Variants in CRAMP1 observed in about 807,000 individuals in gnomAD.
The protein encoded by CRAMP1 is cramped chromatin regulator 1.
A neutral mutation model predicts 115.4 loss-of-function variants in CRAMP1; 50 were observed. The observed-to-expected ratio is 0.43, with a 90% CI of 0.35 to 0.55. The LOEUF (loss-of-function observed/expected upper bound fraction) is 0.55, where lower values mean the gene tolerates loss of function less well. CRAMP1 is among the 20% of genes least tolerant of loss of function. The probability of loss-of-function intolerance (pLI) is 0.01; values close to 1 mark genes in which losing one functional copy is unlikely to be tolerated. For missense variants in CRAMP1, 1,679 were observed against 1,721.7 expected (o/e 0.98, Z 0.44); for synonymous variants, 866 against 745.4 (o/e 1.16, Z -2.64).
At chr16:1,655,854 G>A (rs2036766749) in intron 9 of CRAMP1, 23 bp from the exon 10 acceptor site, 1 of 1,590,512 alleles carries the variant, frequency 6.3e-7, no homozygotes, top group South Asian at 1.1e-5. Context: ...AGCCAGTGTG[G>A]GCCTTCCTTG....
chr16:1,657,050 G>A (rs2036782599), intron 10 of CRAMP1, 58 bp downstream of exon 10: 2 of 1,410,904 alleles, frequency 1.4e-6, no homozygotes, highest in South Asian at 2.9e-5. Flanking sequence ...GCCCAGCCTT[G>A]GAGGGCTCCC....
At chr16:1,645,065 A>T (rs1158697332) in intron 6 of CRAMP1, among the ~76,000 whole-genome samples, 1 of 151,802 alleles carries the variant, frequency 6.6e-6, no homozygotes, top group African/African-American at 2.4e-5. Context: ...TAGTTATAGA[A>T]GTTTGTTTTA....
chr16:1,652,343 G>A (rs2036731345), intron 6 of CRAMP1, among the ~76,000 whole-genome samples, 153 bp from the exon 7 acceptor site: 1 of 152,220 alleles, frequency 6.6e-6, no homozygotes, highest in Non-Finnish European at 1.5e-5. Context: ...GTTTGTCACT[G>A]TGTCCTCCCA....
At chr16:1,667,588 A>C (rs2036886823) in intron 17 of CRAMP1, among the ~76,000 whole-genome samples, 188 bp downstream of exon 17, 1 of 152,166 alleles carries the variant, frequency 6.6e-6, no homozygotes, top group Non-Finnish European at 1.5e-5. Context: ...CCGCCACCTC[A>C]GACTTCCCTC....
In CRAMP1 at chr16:1,614,678, C is replaced by A; in HGVS notation, c.39C>A (p.Asp13Glu). Reference sequence around the variant, plus strand: ...TGGGCGACGGCGGCAGCGGGGAGGACGGGCTCAAGAAGCTGGGCAAGCGGG... The same window carrying A: ...TGGGCGACGGCGGCAGCGGGGAGGAAGGGCTCAAGAAGCTGGGCAAGCGGG... ...VKLGDGGSGE[D>E]GLKKLGKRAA... Residue 13 changes from aspartate (D) to glutamate (E), a missense_variant, in exon 2 of 21, where the codon GAC becomes GAA. Physicochemically the swap from Asp to Glu is conservative, Grantham distance 45. This residue lies in a region of CRAMP1 where 264 missense variants were observed against 229.7 expected (regional missense o/e 1.15). Coordinates refer to ENST00000397412, the MANE Select transcript of CRAMP1 (RefSeq NM_020825.4). This position sits in a 1 kb window ranked among gnomAD's most constrained non-coding sequence, Gnocchi z 4.4. 1 of 1,307,640 alleles carries A rather than the reference C, an allele frequency of 7.6e-7. No homozygotes were observed. 81.0% of individuals were successfully genotyped at this position (1,307,640 alleles called of 1,614,324 possible).
intron 6 of CRAMP1, among the ~76,000 whole-genome samples, chr16:1,643,269 G>A (rs1027182461): frequency 1.3e-5 from 2 of 152,268 alleles, no homozygotes; most frequent in South Asian, 4.1e-4. Flanking sequence ...TTGCCCAGGC[G>A]TAGTGGCTCA....
chr16:1,661,308 G>A lies in CRAMP1; in HGVS notation c.2414-1182G>A, dbSNP rs969713429. ...CTGCACTCCAGCCTGGGTGACAGAG[G>A]GGGCCGGGTGAGAGGTCCTGGCCTC... is the stretch of plus-strand genomic sequence containing the variant. On this transcript the variant is annotated intron_variant, in intron 11 of 20. Coordinates refer to ENST00000397412, the MANE Select transcript of CRAMP1 (RefSeq NM_020825.4). 2.4e-4 allele frequency among the ~76,000 whole-genome samples: 37 copies of A among 151,992 alleles called. 1 individual carries two copies. The highest frequency in any genetic ancestry group is 1.5e-4 in the Non-Finnish European group (10 of 68,004).
chr16:1,669,798 G>C lies in CRAMP1; in HGVS notation c.3499+633G>C, dbSNP rs2142209460. The stretch of plus-strand genomic sequence containing the variant: ...GGTCTTCCCGCCCACAGTTGTACGG[G>C]GCCAGGGCTTGTGGCTGGGCACATC... On this transcript the variant is annotated intron_variant, in intron 19 of 20. Coordinates refer to ENST00000397412, the MANE Select transcript of CRAMP1 (RefSeq NM_020825.4). The surrounding 1 kb of genome is among the most constrained non-coding windows in gnomAD (Gnocchi z 4.6). Among the ~76,000 whole-genome samples, 1 of 152,300 alleles carries C rather than the reference G, an allele frequency of 6.6e-6. No homozygotes were observed. The highest frequency in any genetic ancestry group is 2.1e-4 in the South Asian group (1 of 4,826).
At position 1,675,168 on chromosome 16, in the gene CRAMP1, T is replaced by G. The variant is rs948242087; in HGVS notation, c.*1123T>G. On this transcript the variant is annotated 3_prime_UTR_variant, in exon 21 of 21. Transcript: ENST00000397412. ...ATATATGCCTTCGTGGTGGTCTCCCTCCTTGCGCCCTCTTGGGTGGCCAGC... is the reference window on the plus strand; with the variant it reads ...ATATATGCCTTCGTGGTGGTCTCCCGCCTTGCGCCCTCTTGGGTGGCCAGC... 2.0e-5 allele frequency: 3 copies of G among 152,412 alleles called. No homozygotes were observed. Among genetic ancestry groups the G allele is most frequent in the Admixed American group, 1.3e-4 (2 of 15,302 alleles). 9.4% of individuals were successfully genotyped at this position (152,412 alleles called of 1,614,324 possible).
intron 13 of CRAMP1, among the ~76,000 whole-genome samples, chr16:1,664,367 C>T (rs2036856810): frequency 6.6e-6 from 1 of 152,310 alleles, no homozygotes; most frequent in Admixed American, 6.5e-5. Flanking sequence ...TTACTCACCC[C>T]ATGTGTGAGG....
In CRAMP1 at chr16:1,614,885, C is replaced by T. The variant is rs769727202; in HGVS notation, c.246C>T (p.Phe82=). The T allele has an allele frequency of 1.4e-5, 19 of 1,330,906 alleles. No homozygotes were observed. The South Asian group carries it at 1.6e-4, about 12-fold the overall frequency. The allele number at this position is 1,330,906 out of a possible 1,614,324, so 82.4% of individuals were successfully genotyped here. A position where few individuals can be genotyped will look rare whatever the true frequency, so the allele number is the denominator to read the frequency against. Reference sequence around the variant, plus strand: ...GCAGCCCCCAGGACCAGCACCACTTCCTCCGGTCCAGCGTGCGGCCGCAGA... The same window carrying T: ...GCAGCCCCCAGGACCAGCACCACTTTCTCCGGTCCAGCGTGCGGCCGCAGA... ...PQGSPQDQHH[F]LRSSVRPQSK... The change falls in exon 2 of 21, where the codon TTC becomes TTT. Residue 82 remains phenylalanine, a synonymous_variant. Coordinates refer to ENST00000397412, the MANE Select transcript of CRAMP1 (RefSeq NM_020825.4). The surrounding 1 kb of genome is among the most constrained non-coding windows in gnomAD (Gnocchi z 4.4).
At chr16:1,622,299 G>C (rs1376928685) in intron 2 of CRAMP1, among the ~76,000 whole-genome samples, 1 of 152,228 alleles carries the variant, frequency 6.6e-6, no homozygotes, top group East Asian at 1.9e-4. Context: ...GATTATCTGA[G>C]TTCAGGAGCT....
chr16:1,628,341 C>G (rs2036522894), intron 3 of CRAMP1, among the ~76,000 whole-genome samples: 1 of 152,200 alleles, frequency 6.6e-6, no homozygotes, highest in Admixed American at 6.5e-5. Flanking sequence ...GCAGCCTCCA[C>G]CTCCTGGGTT....
At chr16:1,655,386 C>T (rs914265903) in intron 9 of CRAMP1, 86 bp downstream of exon 9, 23 of 1,066,144 alleles carry the variant, frequency 2.2e-5, no homozygotes, top group South Asian at 1.5e-4. Flanking sequence ...TGCCTGTCAT[C>T]GTCATGGTCC....
chr16:1,672,887 T>C lies in CRAMP1; in HGVS notation c.3646-994T>C, dbSNP rs2031757726. Among the ~76,000 whole-genome samples, 2 of 152,270 alleles carry C rather than the reference T, an allele frequency of 1.3e-5. No individual in the cohort carries two copies. Among genetic ancestry groups the C allele is most frequent in the South Asian group, 2.1e-4 (1 of 4,838 alleles). On this transcript the variant is annotated intron_variant, in intron 20 of 20. Transcript: ENST00000397412. This position sits in a 1 kb window ranked among gnomAD's most constrained non-coding sequence, Gnocchi z 4.9. ...ACTCACTCTGTCATGGCCACCACCT[T>C]GGTCGTGCTTTTCAGTCAAAGCCTC...
intron 2 of CRAMP1, among the ~76,000 whole-genome samples, chr16:1,615,479 G>C (rs951518061): frequency 1.3e-5 from 2 of 152,184 alleles, no homozygotes; most frequent in African/African-American, 4.8e-5. Flanking sequence ...TCCTTCAAGT[G>C]CTCCTGGGTT....
At chr16:1,620,729 G>A (rs1343919557) in intron 2 of CRAMP1, 2 of 454,402 alleles carry the variant, frequency 4.4e-6, no homozygotes, top group Admixed American at 4.7e-5. Context: ...CAGGCTGAGG[G>A]AGGGACTTTG....
intron 6 of CRAMP1, among the ~76,000 whole-genome samples, chr16:1,647,888 C>G (rs1024231194): frequency 3.3e-5 from 5 of 151,574 alleles, no homozygotes; most frequent in Admixed American, 6.6e-5. Context: ...CTTAGCCTGT[C>G]TTACAGCTTC....
intron 2 of CRAMP1, among the ~76,000 whole-genome samples, chr16:1,624,494 A>G (rs1596482878): frequency 6.6e-6 from 1 of 151,786 alleles, no homozygotes; most frequent in African/African-American, 2.4e-5. Context: ...GCTCACTGCA[A>G]CCTCCACTAC....
Sources: allele counts gnomAD v4.1 joint callset (sites outside exome capture counted in the v4.1 genomes callset), GRCh38; gene constraint gnomAD v4.1.1; regional missense constraint gnomAD v4.1.1; non-coding constraint Gnocchi (gnomAD v3.1); transcripts MANE v1.5; gene names NCBI Gene and HGNC (gene_info 2026-07-23, HGNC 2026-07-21).